Variants in SLC16A10 observed in about 807,000 individuals in gnomAD.
SLC16A10 encodes the protein monocarboxylate transporter 10.
SLC16A10 carries 27 observed loss-of-function variants against 40.0 expected under a neutral mutation model. The ratio of observed to expected loss-of-function variants is 0.67; its 90% CI spans 0.50 to 0.93. SLC16A10 has a LOEUF of 0.93. Among genes scored for constraint, SLC16A10 ranks in the 40% least tolerant of loss-of-function variants. SLC16A10 has a pLI of 0.00. For synonymous variants in SLC16A10, 213 were observed against 249.8 expected (o/e 0.85, Z 1.39); for missense variants, 529 against 658.2 (o/e 0.80, Z 2.15).
chr6:111,161,193 T>G (rs2114527363), intron 1 of SLC16A10, among the ~76,000 whole-genome samples: 1 of 121,180 alleles, frequency 8.3e-6, no homozygotes, highest in Admixed American at 1.1e-4. Context: ...ATGGCACTTC[T>G]GCCTGGCTGA....
chr6:111,103,453 G>A (rs941892763), intron 1 of SLC16A10, among the ~76,000 whole-genome samples: 2 of 151,812 alleles, frequency 1.3e-5, no homozygotes, highest in Non-Finnish European at 2.9e-5. Context: ...ATTGACCTCA[G>A]GTGATCCACC....
chr6:111,173,446 T>TC (rs1306735279), intron 2 of SLC16A10: 1 of 152,260 alleles, frequency 6.6e-6, no homozygotes, highest in Non-Finnish European at 1.5e-5. Flanking sequence ...AGAATAAGGA[T>TC]CCCCAACCCC....
chr6:111,173,657 A>C (rs1772628214), intron 2 of SLC16A10: 1 of 152,160 alleles, frequency 6.6e-6, no homozygotes, highest in Non-Finnish European at 1.5e-5. Flanking sequence ...TGTGAACTGT[A>C]CATATGAGGG....
chr6:111,169,915 C>CTTTT (rs1772550938), intron 1 of SLC16A10, among the ~76,000 whole-genome samples: 1 of 45,946 alleles, frequency 2.2e-5, no homozygotes, highest in Non-Finnish European at 3.8e-5. Context: ...CTTTTCTTTT[C>CTTTT]TTTCTTTTTT....
rs1290100421 is a variant in SLC16A10, at chr6:111,229,088, A to T, written c.*6853A>T. On this transcript the variant is annotated 3_prime_UTR_variant, in exon 6 of 6. Coordinates refer to ENST00000368851, the MANE Select transcript of SLC16A10 (RefSeq NM_018593.5). The stretch of plus-strand genomic sequence containing the variant: ...TGACCCTGGACTATGAACAGACTGT[A>T]TAGTTGGTGCCTCTTTTTTTTCTAC... 1 of 151,450 alleles carries T rather than the reference A, an allele frequency of 6.6e-6. No homozygotes were observed. The highest frequency in any genetic ancestry group is 1.5e-5 in the Non-Finnish European group (1 of 67,926). The allele number at this position is 151,450 out of a possible 1,614,324, so 9.4% of individuals were successfully genotyped here.
intron 1 of SLC16A10, among the ~76,000 whole-genome samples, chr6:111,126,044 A>G (rs1330203974): frequency 6.6e-6 from 1 of 151,186 alleles, no homozygotes; most frequent in Non-Finnish European, 1.5e-5. Context: ...GCACATGCAT[A>G]TTTTATGGTA....
chr6:111,118,679 CAAA>C (rs74273023), intron 1 of SLC16A10, among the ~76,000 whole-genome samples: 6 of 66,526 alleles, frequency 9.0e-5, no homozygotes, highest in African/African-American at 1.2e-4. Context: ...GCCTCCGTCT[CAAA>C]AAAAAAAAAA....
chr6:111,139,705 C>T (rs189197973), intron 1 of SLC16A10, among the ~76,000 whole-genome samples: 209 of 152,268 alleles, frequency 1.4e-3, no homozygotes, highest in Non-Finnish European at 2.5e-3. Context: ...TCCATGTCTG[C>T]TATTGTGAAC....
At chr6:111,175,706 T>G (rs1209795306) in intron 2 of SLC16A10, among the ~76,000 whole-genome samples, 6 of 62,288 alleles carry the variant, frequency 9.6e-5, no homozygotes, top group Non-Finnish European at 4.5e-5. Context: ...CAGAACCACA[T>G]TTTTTTTTTT....
intron 2 of SLC16A10, among the ~76,000 whole-genome samples, chr6:111,175,701 C>T (rs986909573): frequency 1.9e-4 from 27 of 139,436 alleles, no homozygotes; most frequent in African/African-American, 6.3e-4. Context: ...GAAGGCAGAA[C>T]CACATTTTTT....
chr6:111,198,371 T>C (rs1773113901), intron 3 of SLC16A10, among the ~76,000 whole-genome samples: 1 of 152,232 alleles, frequency 6.6e-6, no homozygotes, highest in Non-Finnish European at 1.5e-5. Flanking sequence ...CACTTTGGAC[T>C]ATTTTTCCAA....
chr6:111,199,839 A>AAAG (rs1562431081), intron 3 of SLC16A10, among the ~76,000 whole-genome samples: 3 of 151,328 alleles, frequency 2.0e-5, no homozygotes, highest in Non-Finnish European at 4.4e-5. Flanking sequence ...AAAAAAAAAA[A>AAAG]CAAGTAGAAA....
rs749127772 is a variant in SLC16A10 at position 111,225,459 on chromosome 6, G to A, written c.*3224G>A. On this transcript the variant is annotated 3_prime_UTR_variant, in exon 6 of 6. Coordinates refer to ENST00000368851, the MANE Select transcript of SLC16A10 (RefSeq NM_018593.5). ...TAGTCCCAGCTACTCGGGAAGCTGA[G>A]GCAGGAGAAGAATCCAGGAGGCAGA... 1 of 151,588 alleles carries A rather than the reference G, an allele frequency of 6.6e-6. No homozygotes were observed. The highest frequency in any genetic ancestry group is 1.5e-5 in the Non-Finnish European group (1 of 67,998). 9.4% of individuals were successfully genotyped at this position (151,588 alleles called of 1,614,324 possible).
intron 2 of SLC16A10, among the ~76,000 whole-genome samples, chr6:111,173,249 G>A (rs762285978): frequency 1.1e-4 from 17 of 152,200 alleles, no homozygotes; most frequent in Middle Eastern, 3.4e-3. Flanking sequence ...GCTGTTCATA[G>A]GCTTGATATG....
intron 1 of SLC16A10, among the ~76,000 whole-genome samples, chr6:111,118,790 C>T (rs1771534712): frequency 8.2e-6 from 1 of 121,900 alleles, no homozygotes; most frequent in Non-Finnish European, 2.0e-5. Flanking sequence ...TAGGTATCGC[C>T]ACCTAATTTT....
chr6:111,132,952 C>A (rs1322004001), intron 1 of SLC16A10, among the ~76,000 whole-genome samples: 1 of 152,126 alleles, frequency 6.6e-6, no homozygotes, highest in Non-Finnish European at 1.5e-5. Context: ...TTTACAGAAT[C>A]AAAAAAACTC....
At chr6:111,121,490 A>G (rs1771582703) in intron 1 of SLC16A10, among the ~76,000 whole-genome samples, 1 of 152,230 alleles carries the variant, frequency 6.6e-6, no homozygotes, top group Non-Finnish European at 1.5e-5. Flanking sequence ...GAGCCCAGAA[A>G]GTTGAGGCTG....
At chr6:111,220,406 T>C (rs1235804438) in intron 5 of SLC16A10, among the ~76,000 whole-genome samples, 1 of 152,224 alleles carries the variant, frequency 6.6e-6, no homozygotes, top group East Asian at 1.9e-4. Flanking sequence ...TCAGTATTAC[T>C]TGGGTGCCTG....
intron 1 of SLC16A10, among the ~76,000 whole-genome samples, chr6:111,138,197 GC>G (rs1771916646): frequency 6.6e-6 from 1 of 152,106 alleles, no homozygotes; most frequent in Non-Finnish European, 1.5e-5. Context: ...CACTAACATT[GC>G]AGAAAACTTG....
Sources: allele counts gnomAD v4.1 joint callset (sites outside exome capture counted in the v4.1 genomes callset), GRCh38; gene constraint gnomAD v4.1.1; transcripts MANE v1.5; gene names NCBI Gene and HGNC (gene_info 2026-07-23, HGNC 2026-07-21).